The following GRM8 variants were observed in gnomAD, a reference collection of about 807,000 sequenced individuals.
GRM8 encodes metabotropic glutamate receptor 8.
In GRM8, 47 loss-of-function variants were observed where a neutral mutation model predicts 87.2. The observed-to-expected ratio is 0.54, with a 90% confidence interval of 0.43 to 0.69. GRM8 has a LOEUF of 0.69. Among genes scored for constraint, GRM8 ranks in the 30% least tolerant of loss-of-function variants. GRM8 has a pLI of 0.00. For synonymous variants in GRM8, 396 were observed against 404.5 expected (o/e 0.98, Z 0.25); for missense variants, 1,019 against 1,139.2 (o/e 0.89, Z 1.52).
At chr7:127,122,117 G>A (rs1327428613) in intron 2 of GRM8, among the ~76,000 whole-genome samples, 1 of 152,152 alleles carries the variant, frequency 6.6e-6, no homozygotes, top group Non-Finnish European at 1.5e-5. Flanking sequence ...GGGATACACT[G>A]CTATTCTTCA....
At chr7:126,778,654 TATATC>T (rs1819721627) in intron 6 of GRM8, among the ~76,000 whole-genome samples, 1 of 152,166 alleles carries the variant, frequency 6.6e-6, no homozygotes, top group African/African-American at 2.4e-5. Context: ...TAAAACTTGA[TATATC>T]ATAGTTAATG....
intron 7 of GRM8, among the ~76,000 whole-genome samples, chr7:126,695,181 A>T (rs1209257567): frequency 6.6e-6 from 1 of 152,226 alleles, no homozygotes; most frequent in East Asian, 1.9e-4. Flanking sequence ...TTGATCCATC[A>T]AAATACTAAA....
chr7:126,474,444 T>C (rs149896587), intron 9 of GRM8, among the ~76,000 whole-genome samples: 2 of 152,258 alleles, frequency 1.3e-5, no homozygotes, highest in African/African-American at 4.8e-5. Flanking sequence ...AATTGTTTAA[T>C]TTTTTGTAGA....
At chr7:126,954,068 G>A (rs1022032984) in intron 3 of GRM8, among the ~76,000 whole-genome samples, 1 of 152,100 alleles carries the variant, frequency 6.6e-6, no homozygotes, top group Non-Finnish European at 1.5e-5. Context: ...GAGCAGCCAG[G>A]AACTTTTCCT....
At chr7:126,480,061 G>T (rs1806487735) in intron 9 of GRM8, among the ~76,000 whole-genome samples, 1 of 152,094 alleles carries the variant, frequency 6.6e-6, no homozygotes, top group South Asian at 2.1e-4. Context: ...AGTGGGTGAA[G>T]AAGAAAGGAA....
At chr7:126,586,921 A>C (rs1414737076) in intron 8 of GRM8, among the ~76,000 whole-genome samples, 1 of 152,150 alleles carries the variant, frequency 6.6e-6, no homozygotes, top group African/African-American at 2.4e-5. Context: ...AAATTTTTGC[A>C]ATCTACTCAT....
chr7:127,147,077 C>T (rs1236464687), intron 2 of GRM8, among the ~76,000 whole-genome samples: 1 of 151,990 alleles, frequency 6.6e-6, no homozygotes, highest in Non-Finnish European at 1.5e-5. Context: ...ATTGCTATTG[C>T]TATTTAACTG....
At chr7:126,761,922 T>C (rs1817621929) in intron 7 of GRM8, among the ~76,000 whole-genome samples, 1 of 152,230 alleles carries the variant, frequency 6.6e-6, no homozygotes. Context: ...ATCTTTAAGC[T>C]TCCCTTATGT....
At chr7:126,905,283 G>C (rs956740118) in intron 3 of GRM8, among the ~76,000 whole-genome samples, 3 of 152,076 alleles carry the variant, frequency 2.0e-5, no homozygotes, top group Non-Finnish European at 4.4e-5. Context: ...TATGAAAATC[G>C]AAATGGCAGA....
intron 7 of GRM8, among the ~76,000 whole-genome samples, chr7:126,742,951 C>T (rs1383540844): frequency 6.6e-6 from 1 of 152,038 alleles, no homozygotes; most frequent in African/African-American, 2.4e-5. Flanking sequence ...TTCATTTCCA[C>T]CACTTCCCCA....
rs769457476 is a variant in GRM8, at chr7:127,242,856, G to C, written c.349C>G (p.Leu117Val). 6.8e-6 allele frequency: 11 copies of C among 1,614,054 alleles called. No homozygotes were observed. Among genetic ancestry groups the C allele is most frequent in the Admixed American group, 1.7e-5 (1 of 60,000 alleles). Residue 117 changes from leucine (L) to valine (V), a missense_variant, in exon 2 of 11, where the codon CTA becomes GTA. Physicochemically the swap from Leu to Val is conservative, Grantham distance 32. Transcript: ENST00000339582. Reference protein sequence around the residue: ...SRDTYALEQSLTFVQALIEKD... With the variant: ...SRDTYALEQSVTFVQALIEKD... ...TCTATTAATGCCTGCACGAATGTTA[G>C]AGACTGCTCCAAAGCATAGGTGTCC...
chr7:126,948,573 T>C (rs1807799468), intron 3 of GRM8, among the ~76,000 whole-genome samples: 1 of 151,782 alleles, frequency 6.6e-6, no homozygotes, highest in Non-Finnish European at 1.5e-5. Flanking sequence ...TGGCTATCCT[T>C]GCTTTCAACA....
intron 8 of GRM8, among the ~76,000 whole-genome samples, chr7:126,568,290 C>T (rs909315630): frequency 2.0e-5 from 3 of 152,066 alleles, no homozygotes; most frequent in African/African-American, 4.8e-5. Flanking sequence ...CAAACATATC[C>T]ATAGTTACGT....
chr7:127,203,308 C>A (rs201244513), intron 2 of GRM8, among the ~76,000 whole-genome samples: 9 of 152,152 alleles, frequency 5.9e-5, no homozygotes. Flanking sequence ...TGAAAAACTA[C>A]CTATTGGCTG....
At chr7:126,482,177 TTGGAATCTCTGTGCCC>T (rs1220687376) in intron 9 of GRM8, among the ~76,000 whole-genome samples, 1 of 152,008 alleles carries the variant, frequency 6.6e-6, no homozygotes, top group African/African-American at 2.4e-5. Flanking sequence ...TATGGAGATA[TTGGAATCTCTGTGCCC>T]TGTTTGTAGT....
intron 2 of GRM8, among the ~76,000 whole-genome samples, chr7:127,211,425 G>C (rs1225234300): frequency 2.0e-5 from 3 of 152,194 alleles, no homozygotes; most frequent in Non-Finnish European, 4.4e-5. Flanking sequence ...TTCTAGCTGT[G>C]CTGGCAGCTG....
intron 3 of GRM8, among the ~76,000 whole-genome samples, chr7:126,905,530 T>A (rs1802590753): frequency 6.6e-6 from 1 of 152,204 alleles, no homozygotes; most frequent in East Asian, 1.9e-4. Flanking sequence ...AAACAGTATT[T>A]TTTTTTAGTC....
At chr7:126,977,636 G>A (rs1375332478) in intron 3 of GRM8, among the ~76,000 whole-genome samples, 1 of 152,234 alleles carries the variant, frequency 6.6e-6, no homozygotes, top group African/African-American at 2.4e-5. Flanking sequence ...GGAGCTGAGT[G>A]CCCAGACTGT....
intron 3 of GRM8, among the ~76,000 whole-genome samples, chr7:126,950,971 C>T (rs1808077702): frequency 6.6e-6 from 1 of 151,264 alleles, no homozygotes. Flanking sequence ...TAATATTAAA[C>T]TTCCTTAGTC....
Sources: gnomAD v4.1 joint callset for allele counts (sites outside exome capture counted in the v4.1 genomes callset) on GRCh38, gnomAD v4.1.1 for gene constraint, MANE v1.5 for transcripts, NCBI Gene and HGNC (gene_info 2026-07-23, HGNC 2026-07-21) for gene names.